SLC4A5: variants seen among roughly 807,000 people sequenced by gnomAD.
The protein encoded by SLC4A5 is solute carrier family 4 member 5, also known as electrogenic sodium bicarbonate cotransporter 4.
SLC4A5 carries 96 observed loss-of-function variants against 120.4 expected under a neutral mutation model. The observed-to-expected ratio is 0.80, with a 90% CI of 0.68 to 0.94. The LOEUF (loss-of-function observed/expected upper bound fraction) is 0.94, where lower values mean the gene tolerates loss of function less well. Among genes scored for constraint, SLC4A5 ranks in the 40% least tolerant of loss-of-function variants. The pLI is 0.00. For synonymous variants in SLC4A5, 550 were observed against 571.1 expected (o/e 0.96, Z 0.53); for missense variants, 1,259 against 1,459.5 (o/e 0.86, Z 2.24).
intron 8 of SLC4A5, among the ~76,000 whole-genome samples, chr2:74,273,527 C>T (rs1671540954): frequency 6.6e-6 from 1 of 152,180 alleles, no homozygotes; most frequent in South Asian, 2.1e-4. Context: ...CCACCCCGCC[C>T]CATTACCCAA....
intron 6 of SLC4A5, among the ~76,000 whole-genome samples, chr2:74,311,230 A>C (rs960052777): frequency 9.9e-5 from 15 of 151,958 alleles, no homozygotes; most frequent in Non-Finnish European, 1.5e-5. Flanking sequence ...CATCAATTTT[A>C]TTAATCTTTT....
intron 27 of SLC4A5, 81 bp downstream of exon 27, chr2:74,226,876 C>A: frequency 6.7e-7 from 1 of 1,489,744 alleles, no homozygotes; most frequent in Admixed American, 1.9e-5. Flanking sequence ...CAGAAGGTGG[C>A]AGGAGGGGAG....
At chr2:74,220,120 G>A (rs975360752) in intron 30 of SLC4A5, among the ~76,000 whole-genome samples, 12 of 152,200 alleles carry the variant, frequency 7.9e-5, no homozygotes, top group Non-Finnish European at 1.5e-4. Context: ...AGGTAGGAGT[G>A]GGACTGCCCC....
intron 19 of SLC4A5, among the ~76,000 whole-genome samples, chr2:74,245,695 G>T (rs192845421): frequency 6.6e-6 from 1 of 152,166 alleles, no homozygotes; most frequent in Non-Finnish European, 1.5e-5. Flanking sequence ...GAGAGAAGGG[G>T]TTATAATCAA....
At chr2:74,316,742 G>A (rs1672977097) in intron 5 of SLC4A5, among the ~76,000 whole-genome samples, 1 of 152,164 alleles carries the variant, frequency 6.6e-6, no homozygotes, top group Non-Finnish European at 1.5e-5. Flanking sequence ...AGAACAATTT[G>A]CAGCACATCT....
intron 4 of SLC4A5, among the ~76,000 whole-genome samples, chr2:74,333,514 C>G (rs1673416879): frequency 1.3e-5 from 2 of 152,102 alleles, no homozygotes; most frequent in Admixed American, 1.3e-4. Context: ...ATAATACTCC[C>G]AAAATACAGT....
intron 8 of SLC4A5, among the ~76,000 whole-genome samples, chr2:74,279,764 C>T (rs936993568): frequency 4.6e-5 from 7 of 152,226 alleles, no homozygotes; most frequent in African/African-American, 1.7e-4. Context: ...AACTTTACTA[C>T]TACATTTGTG....
At chr2:74,330,857 TGGTGAGGTATA>T (rs1236994023) in intron 4 of SLC4A5, among the ~76,000 whole-genome samples, 9 of 107,174 alleles carry the variant, frequency 8.4e-5, no homozygotes, top group Admixed American at 1.8e-4. Context: ...TAGGTGTAGG[TGGTGAGGTATA>T]GGAGGTGGTG....
intron 8 of SLC4A5, among the ~76,000 whole-genome samples, chr2:74,271,021 TCTA>T (rs1435293627): frequency 6.6e-6 from 1 of 152,218 alleles, no homozygotes; most frequent in Non-Finnish European, 1.5e-5. Flanking sequence ...CAGTACATAT[TCTA>T]CTACACCAGT....
At chr2:74,282,806 C>G (rs988467226) in intron 8 of SLC4A5, among the ~76,000 whole-genome samples, 3 of 152,176 alleles carry the variant, frequency 2.0e-5, no homozygotes, top group African/African-American at 7.2e-5. Flanking sequence ...GGATGCAGAC[C>G]CTGTCCAGGG....
rs115337308 is a variant in SLC4A5, at chr2:74,265,725, C to G, written c.402-461G>C. Reference sequence around the variant, plus strand: ...GTTTGCTGGGAGCAGGAAAAATGTTCCCTGACGAAAAGTATTTCTCCCTGA... The same window carrying G: ...GTTTGCTGGGAGCAGGAAAAATGTTGCCTGACGAAAAGTATTTCTCCCTGA... On this transcript the variant is annotated intron_variant, in intron 8 of 30. Coordinates refer to ENST00000394019, the Ensembl canonical transcript of SLC4A5. 2.2e-3 allele frequency among the ~76,000 whole-genome samples: 335 copies of G among 152,248 alleles called. 3 individuals carry two copies. Among genetic ancestry groups the G allele is most frequent in the African/African-American group, 7.7e-3 (320 of 41,522 alleles).
chr2:74,229,261 G>GC (rs1332755368), intron 25 of SLC4A5, among the ~76,000 whole-genome samples: 3 of 148,190 alleles, frequency 2.0e-5, no homozygotes, highest in African/African-American at 7.5e-5. Context: ...TTTTTTTTTG[G>GC]GGGGGGCACG....
chr2:74,280,890 T>C (rs1370522113), intron 8 of SLC4A5, among the ~76,000 whole-genome samples: 2 of 152,156 alleles, frequency 1.3e-5, no homozygotes, highest in African/African-American at 4.8e-5. Context: ...TTTCACTATA[T>C]TGGCCAGGCT....
At chr2:74,322,185 T>C (rs983979019) in intron 5 of SLC4A5, among the ~76,000 whole-genome samples, 42 of 148,858 alleles carry the variant, frequency 2.8e-4, no homozygotes, top group African/African-American at 1.0e-3. Context: ...TTTCCTGTTA[T>C]CTGAAAAAAA....
In SLC4A5 at chr2:74,303,016, CTGTG is replaced by C. The variant is rs10601390; in HGVS notation, c.271+1469_271+1472del. Among the ~76,000 whole-genome samples the C allele has an allele frequency of 7.1e-3, 1,032 of 144,968 alleles. 19 individuals are homozygous for C. The highest frequency in any genetic ancestry group is 0.021 in the African/African-American group (846 of 39,568). On this transcript the variant is annotated intron_variant, in intron 7 of 30. Coordinates refer to ENST00000394019, the Ensembl canonical transcript of SLC4A5. ...CTGATGTTCCCACTCCTGAGCAGGA[CTGTG>C]TGTGTGTGTGTGTGTGTGTGTGTGT...
intron 30 of SLC4A5, among the ~76,000 whole-genome samples, chr2:74,221,212 C>A (rs1694632280): frequency 6.6e-6 from 1 of 152,092 alleles, no homozygotes; most frequent in Non-Finnish European, 1.5e-5. Flanking sequence ...AGTTGAATAC[C>A]TTTGTGTGTT....
At chr2:74,309,774 G>T (rs2104280727) in intron 6 of SLC4A5, among the ~76,000 whole-genome samples, 1 of 151,628 alleles carries the variant, frequency 6.6e-6, no homozygotes, top group African/African-American at 2.4e-5. Flanking sequence ...TCCTGCCTCA[G>T]GGTCCTGAGT....
At chr2:74,270,080 A>G (rs995748909) in intron 8 of SLC4A5, among the ~76,000 whole-genome samples, 2 of 152,218 alleles carry the variant, frequency 1.3e-5, no homozygotes, top group Non-Finnish European at 2.9e-5. Flanking sequence ...ATTTTAAGCC[A>G]ATGCCAGAAC....
chr2:74,271,914 C>T (rs1220886787), intron 8 of SLC4A5, among the ~76,000 whole-genome samples: 1 of 151,764 alleles, frequency 6.6e-6, no homozygotes, highest in East Asian at 1.9e-4. Flanking sequence ...CAAGACTCCA[C>T]TATACAAAAA....
Sources: allele counts gnomAD v4.1 joint callset (sites outside exome capture counted in the v4.1 genomes callset), GRCh38; gene constraint gnomAD v4.1.1; transcripts MANE v1.5; gene names NCBI Gene and HGNC (gene_info 2026-07-23, HGNC 2026-07-21).